The following DLGAP2 variants were observed in gnomAD, a reference collection of about 807,000 sequenced individuals.
The protein encoded by DLGAP2 is DLG associated protein 2, also known as disks large-associated protein 2.
Under a neutral mutation model 100.3 loss-of-function variants are expected in DLGAP2, and 26 were observed. The ratio of observed to expected loss-of-function variants is 0.26; its 90% CI spans 0.19 to 0.36. The LOEUF is 0.36. DLGAP2 is among the 10% of genes least tolerant of loss of function. The pLI is 1.00. For synonymous variants in DLGAP2, 886 were observed against 630.1 expected (o/e 1.41, Z -6.08); for missense variants, 1,858 against 1,453.2 (o/e 1.28, Z -4.53).
At chr8:1,435,458 C>A (rs142425428) in intron 3 of DLGAP2, among the ~76,000 whole-genome samples, 132 of 152,226 alleles carry the variant, frequency 8.7e-4, no homozygotes, top group African/African-American at 3.0e-3. Flanking sequence ...ATAGCCGTCA[C>A]AATGCATGAC....
chr8:1,246,823 G>C (rs1268698981), intron 2 of DLGAP2: 5 of 150,576 alleles, frequency 3.3e-5, no homozygotes, highest in Non-Finnish European at 5.9e-5. Context: ...TGAGATCAGT[G>C]TGGGAGTGAT....
intron 1 of DLGAP2, among the ~76,000 whole-genome samples, chr8:786,873 G>A (rs1465642410): frequency 6.6e-6 from 1 of 151,988 alleles, no homozygotes; most frequent in Non-Finnish European, 1.5e-5. Flanking sequence ...GTTACCTGGT[G>A]ATTTGAAAGA....
intron 8 of DLGAP2, among the ~76,000 whole-genome samples, chr8:1,655,884 G>A (rs911112856): frequency 6.6e-6 from 1 of 152,238 alleles, no homozygotes; most frequent in South Asian, 2.1e-4. Context: ...AGCGCTGCCA[G>A]CACAGCCGTC....
chr8:829,854 C>G (rs943753258), intron 1 of DLGAP2, among the ~76,000 whole-genome samples: 1 of 152,150 alleles, frequency 6.6e-6, no homozygotes, highest in Non-Finnish European at 1.5e-5. Context: ...ATCAAATATT[C>G]AAAATGTGTT....
intron 1 of DLGAP2, among the ~76,000 whole-genome samples, chr8:894,424 A>G (rs1476801086): frequency 1.3e-5 from 2 of 152,042 alleles, no homozygotes; most frequent in Non-Finnish European, 2.9e-5. Context: ...TGGCATGTAC[A>G]CAATGGAATA....
At chr8:927,141 G>A in intron 2 of DLGAP2, 1 of 985,464 alleles carries the variant, frequency 1.0e-6, no homozygotes, top group East Asian at 1.1e-4. Flanking sequence ...GTAATTACAT[G>A]AAGGTGAAGC....
At chr8:1,305,868 C>T (rs1224509948) in intron 3 of DLGAP2, among the ~76,000 whole-genome samples, 1 of 152,182 alleles carries the variant, frequency 6.6e-6, no homozygotes, top group East Asian at 1.9e-4. Context: ...CAAGTGTGCC[C>T]TTGCCTGCCC....
chr8:982,991 A>G (rs924222164), intron 2 of DLGAP2, among the ~76,000 whole-genome samples: 3 of 142,210 alleles, frequency 2.1e-5, no homozygotes, highest in East Asian at 2.1e-4. Context: ...TTAGTTTCCT[A>G]TTTCTATATA....
At position 1,197,860 on chromosome 8, in the gene DLGAP2, C is replaced by A. The variant is rs1484321499; in HGVS notation, c.74-60991C>A. Among the ~76,000 whole-genome samples the A allele has an allele frequency of 2.6e-5, 4 of 152,172 alleles. No homozygotes were observed. In the South Asian group the frequency reaches 8.3e-4, roughly 32 times the overall value. Reference sequence around the variant, plus strand: ...ATGGGGGATGAGTGGAATCAGGTTTCTCGTCTCCTGGGCCCCCTGCAGTGT... The same window carrying A: ...ATGGGGGATGAGTGGAATCAGGTTTATCGTCTCCTGGGCCCCCTGCAGTGT... On this transcript the variant is annotated intron_variant, in intron 2 of 14. Transcript: ENST00000637795.
intron 8 of DLGAP2, among the ~76,000 whole-genome samples, chr8:1,645,342 T>C (rs569542126): frequency 6.6e-6 from 1 of 152,360 alleles, no homozygotes; most frequent in South Asian, 2.1e-4. Flanking sequence ...CAACACATTA[T>C]AAAACAGGCA....
chr8:1,252,312 G>A (rs1799063312), intron 2 of DLGAP2, among the ~76,000 whole-genome samples: 1 of 144,048 alleles, frequency 6.9e-6, no homozygotes, highest in South Asian at 2.2e-4. Context: ...TCATGTGGGT[G>A]TGTTGTGTTG....
chr8:809,757 G>A (rs146330956), intron 1 of DLGAP2, among the ~76,000 whole-genome samples: 5 of 152,274 alleles, frequency 3.3e-5, no homozygotes, highest in Non-Finnish European at 4.4e-5. Context: ...GAGAGAGAGC[G>A]TGACCAGAGG....
At chr8:1,524,785 T>C (rs1388474436) in intron 4 of DLGAP2, among the ~76,000 whole-genome samples, 1 of 152,160 alleles carries the variant, frequency 6.6e-6, no homozygotes, top group African/African-American at 2.4e-5. Context: ...GCCACAGACC[T>C]GGGCTTTCTG....
rs373165516 is a variant in DLGAP2 at position 967,501 on chromosome 8, G to A, written c.73+59535G>A. 2.0e-5 allele frequency among the ~76,000 whole-genome samples: 3 copies of A among 151,806 alleles called. No homozygotes were observed. The East Asian group carries it at 5.9e-4, about 30-fold the overall frequency. ...GCCTTCATGAATTTCAGATTTATTC[G>A]TGTTCAATAGTTGTATGGAAAGATA... On this transcript the variant is annotated intron_variant, in intron 2 of 14. Coordinates refer to ENST00000637795, the MANE Select transcript of DLGAP2 (RefSeq NM_001346810.2).
chr8:1,684,389 A>T (rs2130865684), intron 12 of DLGAP2, among the ~76,000 whole-genome samples: 1 of 152,202 alleles, frequency 6.6e-6, no homozygotes, highest in East Asian at 1.9e-4. Flanking sequence ...GTAAGATGAT[A>T]ACCTTAATTT....
intron 2 of DLGAP2, among the ~76,000 whole-genome samples, chr8:957,961 T>C (rs1474031193): frequency 6.6e-6 from 1 of 152,194 alleles, no homozygotes; most frequent in Non-Finnish European, 1.5e-5. Flanking sequence ...TTCCTGGTGC[T>C]GTGTGACCCT....
At chr8:795,408 G>A (rs1311727625) in intron 1 of DLGAP2, among the ~76,000 whole-genome samples, 1 of 152,184 alleles carries the variant, frequency 6.6e-6, no homozygotes, top group Admixed American at 6.5e-5. Flanking sequence ...CACTTAGACT[G>A]TCTAGACAGC....
chr8:841,963 G>A (rs147570506), intron 1 of DLGAP2, among the ~76,000 whole-genome samples: 305 of 152,224 alleles, frequency 2.0e-3, no homozygotes, highest in Non-Finnish European at 2.6e-3. Context: ...CATGTGCCTG[G>A]CAGTCTTAAC....
chr8:1,503,577 G>A (rs191353625), intron 4 of DLGAP2, among the ~76,000 whole-genome samples: 3 of 152,070 alleles, frequency 2.0e-5, no homozygotes, highest in Admixed American at 1.3e-4. Flanking sequence ...CTGTGAACAC[G>A]GAGTGCAGCT....
Sources: gnomAD v4.1 joint callset for allele counts (sites outside exome capture counted in the v4.1 genomes callset) on GRCh38, gnomAD v4.1.1 for gene constraint, MANE v1.5 for transcripts, NCBI Gene and HGNC (gene_info 2026-07-23, HGNC 2026-07-21) for gene names.